The following ZNF385D variants were observed in gnomAD, a reference collection of about 807,000 sequenced individuals.
ZNF385D encodes zinc finger protein 385D.
ZNF385D carries 15 observed loss-of-function variants against 35.8 expected under a neutral mutation model. That is an observed-to-expected ratio of 0.42 (90% CI 0.28 to 0.64). The LOEUF (loss-of-function observed/expected upper bound fraction) is 0.64. Among genes scored for constraint, ZNF385D ranks in the 30% least tolerant of loss-of-function variants. ZNF385D has a pLI of 0.23. For missense variants in ZNF385D, 474 were observed against 494.6 expected, an observed-to-expected ratio of 0.96 and a Z score of 0.39; for synonymous variants, 212 against 186.8, an observed-to-expected ratio of 1.13 and a Z score of -1.10.
chr3:21,941,529 A>C (rs1485100594), intron 3 of ZNF385D, among the ~76,000 whole-genome samples: 1 of 112,910 alleles, frequency 8.9e-6, no homozygotes, highest in Non-Finnish European at 1.6e-5. Context: ...ATGGAGTCTC[A>C]CTCTGTCCCG....
intron 3 of ZNF385D, among the ~76,000 whole-genome samples, chr3:21,883,936 T>A (rs1236108461): frequency 6.6e-6 from 1 of 152,026 alleles, no homozygotes; most frequent in East Asian, 1.9e-4. Context: ...ATCTACTAAG[T>A]CGAATTTCTT....
chr3:21,583,200 T>A (rs2063716530), intron 2 of ZNF385D, among the ~76,000 whole-genome samples: 1 of 152,182 alleles, frequency 6.6e-6, no homozygotes, highest in Admixed American at 6.5e-5. Flanking sequence ...AAATATAAAC[T>A]GTAACCATTT....
At position 22,228,005 on chromosome 3, in the gene ZNF385D, A is replaced by G. The variant is rs143665092; in HGVS notation, c.107-58970T>C. ...CCTGGGAAAAGCCAAGAACCCGCCT[A>G]AACTAAGCCCAAATTTTGAGGTTTG... is the stretch of plus-strand genomic sequence containing the variant. On this transcript the variant is annotated intron_variant, in intron 2 of 5. Coordinates refer to the ZNF385D transcript ENST00000494108. 2.8e-3 allele frequency among the ~76,000 whole-genome samples: 419 copies of G among 152,248 alleles called. 1 individual carries two copies. The highest frequency in any genetic ancestry group is 9.9e-3 in the African/African-American group (410 of 41,556).
chr3:21,856,702 T>C (rs1001456771), intron 3 of ZNF385D, among the ~76,000 whole-genome samples: 4 of 152,086 alleles, frequency 2.6e-5, no homozygotes, highest in African/African-American at 9.7e-5. Context: ...GCCTGAATTA[T>C]TGCAGGGTAT....
chr3:22,195,718 T>A (rs1473476695), intron 2 of ZNF385D, among the ~76,000 whole-genome samples: 1 of 152,006 alleles, frequency 6.6e-6, no homozygotes, highest in African/African-American at 2.4e-5. Context: ...TATTTTTTAA[T>A]GTTTGTTTGT....
intron 3 of ZNF385D, among the ~76,000 whole-genome samples, chr3:21,928,971 A>T (rs1440237611): frequency 6.6e-6 from 1 of 152,198 alleles, no homozygotes; most frequent in Non-Finnish European, 1.5e-5. Context: ...TTAACAACTC[A>T]TTTTAAGAGG....
At position 21,702,021 on chromosome 3, in the gene ZNF385D, A is replaced by G. The variant is rs2067705233; in HGVS notation, c.23-36993T>C. 3.9e-5 allele frequency among the ~76,000 whole-genome samples: 6 copies of G among 152,098 alleles called. No homozygotes were observed. The South Asian group carries it at 1.2e-3, about 32-fold the overall frequency. ...GGTGCAAGCGGTTGGTGGATATGCC[A>G]TTCTCGGATCTGGAGGACAGTAACC... On this transcript the variant is annotated intron_variant, in intron 1 of 7. Transcript: ENST00000281523.
chr3:21,501,494 C>T (rs1252765527), intron 4 of ZNF385D, among the ~76,000 whole-genome samples: 1 of 152,202 alleles, frequency 6.6e-6, no homozygotes, highest in Non-Finnish European at 1.5e-5. Flanking sequence ...AACACTGTCT[C>T]CTGACTGCAA....
chr3:21,824,132 T>C (rs1445565397), intron 3 of ZNF385D, among the ~76,000 whole-genome samples: 1 of 152,180 alleles, frequency 6.6e-6, no homozygotes, highest in African/African-American at 2.4e-5. Flanking sequence ...AGGTGATTAA[T>C]TAAAACATGA....
At chr3:21,455,656 C>T (rs1702758340) in intron 4 of ZNF385D, among the ~76,000 whole-genome samples, 3 of 152,088 alleles carry the variant, frequency 2.0e-5, no homozygotes, top group Non-Finnish European at 2.9e-5. Flanking sequence ...TAGGCAATAC[C>T]ATTCAGGACA....
chr3:21,464,743 AACAC>A (rs6147726), intron 4 of ZNF385D, among the ~76,000 whole-genome samples: 1 of 150,198 alleles, frequency 6.7e-6, no homozygotes, highest in Non-Finnish European at 1.5e-5. Flanking sequence ...AATAAATTAA[AACAC>A]ACACACACAC....
intron 3 of ZNF385D, among the ~76,000 whole-genome samples, chr3:21,526,444 A>G (rs1287348364): frequency 6.6e-6 from 1 of 152,204 alleles, no homozygotes; most frequent in Non-Finnish European, 1.5e-5. Flanking sequence ...ATATTGATAC[A>G]TGCGGCAATG....
chr3:21,536,733 G>A (rs1350313902), intron 3 of ZNF385D, among the ~76,000 whole-genome samples: 3 of 152,130 alleles, frequency 2.0e-5, no homozygotes, highest in African/African-American at 4.8e-5. Context: ...ATATTAAAAC[G>A]CAATTAGTGC....
chr3:22,108,972 A>AC (rs1702369505), intron 3 of ZNF385D, among the ~76,000 whole-genome samples: 2 of 152,192 alleles, frequency 1.3e-5, no homozygotes, highest in Admixed American at 1.3e-4. Flanking sequence ...AGATTACACC[A>AC]CTGCACTCCA....
chr3:22,237,343 A>G (rs1699245528), intron 2 of ZNF385D, among the ~76,000 whole-genome samples: 1 of 152,154 alleles, frequency 6.6e-6, no homozygotes, highest in Non-Finnish European at 1.5e-5. Flanking sequence ...ATCCCTTTAA[A>G]TCACTTGCCC....
At chr3:22,045,339 A>G (rs1553598320) in intron 3 of ZNF385D, among the ~76,000 whole-genome samples, 1 of 152,142 alleles carries the variant, frequency 6.6e-6, no homozygotes, top group Non-Finnish European at 1.5e-5. Flanking sequence ...ACATAATAAA[A>G]GCATGGAAAT....
chr3:21,636,347 T>C (rs2065431685), intron 2 of ZNF385D, among the ~76,000 whole-genome samples: 1 of 136,704 alleles, frequency 7.3e-6, no homozygotes, highest in Non-Finnish European at 1.6e-5. Flanking sequence ...ATTTTACATA[T>C]ATATGATTAT....
At chr3:22,044,093 CT>C (rs5847157) in intron 3 of ZNF385D, among the ~76,000 whole-genome samples, 42,483 of 146,554 alleles carry the variant, frequency 0.29, 6,112 homozygotes, top group Middle Eastern at 0.37. Context: ...CTGGGAAAAA[CT>C]TTTTTTTTTT....
intron 3 of ZNF385D, among the ~76,000 whole-genome samples, chr3:22,039,970 A>C (rs933745562): frequency 2.0e-5 from 3 of 152,162 alleles, no homozygotes; most frequent in Non-Finnish European, 4.4e-5. Flanking sequence ...GAGATCAGAA[A>C]CAAGGAGGAT....
Sources: gnomAD v4.1 joint callset for allele counts (sites outside exome capture counted in the v4.1 genomes callset) on GRCh38, gnomAD v4.1.1 for gene constraint, MANE v1.5 for transcripts, NCBI Gene and HGNC (gene_info 2026-07-23, HGNC 2026-07-21) for gene names.